Variants in MEIKIN observed in about 807,000 individuals in gnomAD.
MEIKIN encodes meiotic kinetochore factor.
intron 11 of MEIKIN, among the ~76,000 whole-genome samples, chr5:131,844,081 G>T (rs1212830817): frequency 6.6e-6 from 1 of 152,114 alleles, no homozygotes; most frequent in Non-Finnish European, 1.5e-5. Context: ...AGGAGAAAAA[G>T]AAAAGGGAGA....
chr5:131,830,980 C>G (rs1749707187), intron 11 of MEIKIN, among the ~76,000 whole-genome samples: 1 of 152,102 alleles, frequency 6.6e-6, no homozygotes, highest in Non-Finnish European at 1.5e-5. Context: ...TCACTGCAAC[C>G]TCTGCCTCCT....
intron 12 of MEIKIN, among the ~76,000 whole-genome samples, chr5:131,813,495 T>C (rs915882419): frequency 6.6e-6 from 1 of 151,622 alleles, no homozygotes; most frequent in Non-Finnish European, 1.5e-5. Flanking sequence ...GGCATGATCT[T>C]GGCTCACTGA....
At chr5:131,937,147 C>A (rs549940237) in intron 4 of MEIKIN, among the ~76,000 whole-genome samples, 62 of 152,228 alleles carry the variant, frequency 4.1e-4, no homozygotes, top group Middle Eastern at 3.4e-3. Context: ...ATTCCTAGAT[C>A]CCATGATTTC....
chr5:131,891,148 A>G (rs567895287), intron 8 of MEIKIN, among the ~76,000 whole-genome samples: 305 of 152,264 alleles, frequency 2.0e-3, no homozygotes, highest in African/African-American at 6.4e-3. Flanking sequence ...TATGTGGTCA[A>G]TTTTGGAATA....
chr5:131,880,993 C>T (rs1190210560), intron 8 of MEIKIN, among the ~76,000 whole-genome samples: 1 of 152,100 alleles, frequency 6.6e-6, no homozygotes, highest in African/African-American at 2.4e-5. Flanking sequence ...ACTTTATTTG[C>T]TAAATCTGTT....
At chr5:131,918,407 T>C (rs890557044) in intron 6 of MEIKIN, among the ~76,000 whole-genome samples, 4 of 152,208 alleles carry the variant, frequency 2.6e-5, no homozygotes, top group Non-Finnish European at 5.9e-5. Flanking sequence ...GCCTGCTTCT[T>C]TGAGAATTTT....
chr5:131,846,582 T>A (rs893819054), intron 11 of MEIKIN, among the ~76,000 whole-genome samples: 11 of 152,198 alleles, frequency 7.2e-5, no homozygotes, highest in African/African-American at 2.7e-4. Context: ...ACACCTGTAA[T>A]CTCAGCTGCA....
chr5:131,925,738 G>A (rs929009110), intron 5 of MEIKIN, among the ~76,000 whole-genome samples: 3 of 151,842 alleles, frequency 2.0e-5, no homozygotes, highest in African/African-American at 4.8e-5. Context: ...GCATGATCCC[G>A]GCCCACTGCA....
At chr5:131,810,303 G>A (rs568301169) in intron 12 of MEIKIN, among the ~76,000 whole-genome samples, 26 of 152,132 alleles carry the variant, frequency 1.7e-4, no homozygotes, top group Non-Finnish European at 3.5e-4. Flanking sequence ...ATAATTTATC[G>A]TCTCTTCTGG....
rs1435932000 is a variant in MEIKIN at position 131,945,590 on chromosome 5, G to C, written c.-85C>G. The C allele has an allele frequency of 2.5e-6, 1 of 399,522 alleles. No homozygotes were observed. Among genetic ancestry groups the C allele is most frequent in the Non-Finnish European group, 4.4e-6 (1 of 225,798 alleles). 24.7% of individuals were successfully genotyped at this position (399,522 alleles called of 1,614,324 possible). A position where few individuals can be genotyped will look rare whatever the true frequency, so the allele number is the denominator to read the frequency against. On this transcript the variant is annotated 5_prime_UTR_variant, in exon 1 of 13. Transcript: ENST00000442687. ...CTGAGGATCAGGGCTAAGTCACAGG[G>C]AGTCAGCGTCCAGGCGAGGCCCGCG...
At chr5:131,923,543 A>C (rs1425264373) in intron 5 of MEIKIN, among the ~76,000 whole-genome samples, 1 of 101,230 alleles carries the variant, frequency 9.9e-6, no homozygotes, top group Non-Finnish European at 2.2e-5. Flanking sequence ...TTTTTTTCTT[A>C]TGATTTTTTT....
chr5:131,852,308 C>T (rs538779087), intron 10 of MEIKIN, among the ~76,000 whole-genome samples: 3 of 152,104 alleles, frequency 2.0e-5, no homozygotes, highest in Non-Finnish European at 4.4e-5. Flanking sequence ...TCCATGCTCT[C>T]TCCTCTGTTG....
At chr5:131,944,031 C>T (rs1348240322) in intron 3 of MEIKIN, among the ~76,000 whole-genome samples, 5 of 150,740 alleles carry the variant, frequency 3.3e-5, no homozygotes, top group Admixed American at 6.6e-5. Context: ...CGCTTGAACC[C>T]GAGAGGCAGA....
chr5:131,813,634 A>G (rs1314560805), intron 12 of MEIKIN, among the ~76,000 whole-genome samples: 2 of 151,900 alleles, frequency 1.3e-5, no homozygotes, highest in African/African-American at 4.8e-5. Flanking sequence ...TCACTGTGTT[A>G]GCCAGGACGG....
chr5:131,829,730 G>C (rs1257077719), intron 11 of MEIKIN, among the ~76,000 whole-genome samples: 1 of 152,186 alleles, frequency 6.6e-6, no homozygotes, highest in Non-Finnish European at 1.5e-5. Context: ...ACTTAATCAA[G>C]TTAAGATCAC....
At position 131,870,494 on chromosome 5, in the gene MEIKIN, C is replaced by T. The variant is rs534612909; in HGVS notation, c.774+8484G>A. Among the ~76,000 whole-genome samples the T allele has an allele frequency of 8.5e-5, 13 of 152,178 alleles. No homozygotes were observed. In the South Asian group the frequency reaches 2.1e-3, roughly 24 times the overall value. ...ATACTATTTCCTAGGACATTTCGCC[C>T]GTTTCCACGACTTAAAAAAAAATTA... On this transcript the variant is annotated intron_variant, in intron 9 of 12. Transcript: ENST00000442687.
chr5:131,875,528 A>G (rs915062148), intron 9 of MEIKIN, among the ~76,000 whole-genome samples: 7 of 152,004 alleles, frequency 4.6e-5, no homozygotes, highest in South Asian at 4.2e-4. Flanking sequence ...TTCCATGCTC[A>G]TGGGTAGGAA....
chr5:131,830,110 C>A (rs1304959708), intron 11 of MEIKIN, among the ~76,000 whole-genome samples: 1 of 152,190 alleles, frequency 6.6e-6, no homozygotes, highest in Non-Finnish European at 1.5e-5. Context: ...ATTTATGAGA[C>A]TGGGCACAGT....
At chr5:131,822,442 T>A (rs1488683075) in intron 11 of MEIKIN, among the ~76,000 whole-genome samples, 4 of 152,202 alleles carry the variant, frequency 2.6e-5, no homozygotes, top group African/African-American at 7.2e-5. Context: ...TCTTGCTTTT[T>A]ATTTTTTGTG....
Sources: gnomAD v4.1 joint callset for allele counts (sites outside exome capture counted in the v4.1 genomes callset) on GRCh38, gnomAD v4.1.1 for gene constraint, MANE v1.5 for transcripts, NCBI Gene and HGNC (gene_info 2026-07-23, HGNC 2026-07-21) for gene names.